Variants in PLA2G4E observed in about 807,000 individuals in gnomAD.
PLA2G4E encodes the protein cytosolic phospholipase A2 epsilon.
A neutral mutation model predicts 109.1 loss-of-function variants in PLA2G4E; 84 were observed. The observed-to-expected ratio is 0.77, with a 90% CI of 0.65 to 0.92. The LOEUF is 0.92. PLA2G4E is among the 40% of genes least tolerant of loss of function. The pLI is 0.00. For synonymous variants in PLA2G4E, 469 were observed against 436.1 expected (o/e 1.08, Z -0.94); for missense variants, 1,057 against 1,076.6 (o/e 0.98, Z 0.25).
chr15:41,984,619 G>A (rs1043466808), exon 19 of PLA2G4E: 14 of 1,600,134 alleles, frequency 8.7e-6, no homozygotes, highest in African/African-American at 1.3e-5. Context: ...TGTTTCAGGG[G>A]CTGGAACAGC....
intron 1 of PLA2G4E, among the ~76,000 whole-genome samples, chr15:42,016,352 T>C (rs7176458): frequency 0.058 from 8,793 of 151,562 alleles, 423 homozygotes; most frequent in African/African-American, 0.13. Flanking sequence ...CTTTTTTCTT[T>C]GGAGACGGAG....
intron 1 of PLA2G4E, among the ~76,000 whole-genome samples, chr15:42,030,095 GA>G (rs1281823317): frequency 1.3e-5 from 2 of 152,194 alleles, no homozygotes; most frequent in African/African-American, 4.8e-5. Context: ...GAGGAGGGGA[GA>G]GGACATTTTT....
chr15:42,006,815 G>T (rs916254465), intron 3 of PLA2G4E, among the ~76,000 whole-genome samples: 1 of 152,094 alleles, frequency 6.6e-6, no homozygotes, highest in African/African-American at 2.4e-5. Context: ...GACATAAGGT[G>T]GTTCTGGAGG....
chr15:42,041,679 G>A (rs1231264224), intron 1 of PLA2G4E, among the ~76,000 whole-genome samples: 1 of 152,216 alleles, frequency 6.6e-6, no homozygotes, highest in Admixed American at 6.5e-5. Flanking sequence ...CCTGTACTGA[G>A]TATTGGGGTT....
At chr15:42,008,628 C>G (rs2068501708) in intron 2 of PLA2G4E, among the ~76,000 whole-genome samples, 1 of 152,186 alleles carries the variant, frequency 6.6e-6, no homozygotes, top group African/African-American at 2.4e-5. Flanking sequence ...GACAGAAGGT[C>G]TCCTAAGTCT....
chr15:42,004,386 A>AAGGG (rs1468669531), intron 5 of PLA2G4E, among the ~76,000 whole-genome samples: 5 of 132,530 alleles, frequency 3.8e-5, no homozygotes, highest in Non-Finnish European at 8.2e-5. Flanking sequence ...AAAAGGGAGG[A>AAGGG]AGGGAGGGAG....
At chr15:42,007,589 G>T in intron 3 of PLA2G4E, 140 bp downstream of exon 3, 1 of 1,075,632 alleles carries the variant, frequency 9.3e-7, no homozygotes, top group Non-Finnish European at 1.3e-6. Context: ...GTGTGAGTGG[G>T]AAGACAGGTT....
chr15:41,993,231 T>C lies in PLA2G4E; in HGVS notation c.1248-272A>G, dbSNP rs867226784. On this transcript the variant is annotated intron_variant, in intron 12 of 19. Transcript: ENST00000399518. ...AAGATGAAGATTCTGGATCCAGAAC[T>C]TTCTGGATCAAGCCAGGCTCTGTCG... Among the ~76,000 whole-genome samples, 22 of 152,340 alleles carry C rather than the reference T, an allele frequency of 1.4e-4. No individual in the cohort carries two copies. In the South Asian group the frequency reaches 2.3e-3, roughly 16 times the overall value.
chr15:42,000,795 G>A lies in PLA2G4E; in HGVS notation c.673+362C>T, dbSNP rs183264982. 3.7e-4 allele frequency among the ~76,000 whole-genome samples: 56 copies of A among 152,282 alleles called. 2 individuals are homozygous for A. The highest frequency in any genetic ancestry group is 3.3e-3 in the Admixed American group (50 of 15,308). On this transcript the variant is annotated intron_variant, in intron 7 of 19. Transcript: ENST00000399518. ...TCTGTGAGCTGTGGTCTGCCTAGAG[G>A]AAGGGGCATAGTTAGAGGGGTCCTG...
chr15:42,013,881 G>GTTTT, intron 1 of PLA2G4E, 124 bp from the exon 2 acceptor site: 1 of 302,222 alleles, frequency 3.3e-6, no homozygotes, highest in South Asian at 5.2e-5. Context: ...CCCCTAGGCT[G>GTTTT]GTTTTTTTTT....
intron 12 of PLA2G4E, 22 bp downstream of exon 12, chr15:41,995,337 GA>G (rs779147486): frequency 3.7e-6 from 6 of 1,606,772 alleles, no homozygotes; most frequent in Non-Finnish European, 4.3e-6. Context: ...GGGCTCCACA[GA>G]CAGTGGCTCA....
In PLA2G4E at chr15:42,021,061, C is replaced by T. The variant is rs1052381945; in HGVS notation, c.184-7304G>A. Among the ~76,000 whole-genome samples, 1 of 152,002 alleles carries T rather than the reference C, an allele frequency of 6.6e-6. No individual in the cohort carries two copies. The highest frequency in any genetic ancestry group is 1.9e-4 in the East Asian group (1 of 5,190). Reference sequence around the variant, plus strand: ...CAGCTCTCCAGCTGGGTGGCAAGATCAGGAACTTATACTCTGACTCAGAGC... The same window carrying T: ...CAGCTCTCCAGCTGGGTGGCAAGATTAGGAACTTATACTCTGACTCAGAGC... On this transcript the variant is annotated intron_variant, in intron 1 of 19. Coordinates refer to ENST00000399518, the Ensembl canonical transcript of PLA2G4E.
At chr15:42,040,189 A>AAC (rs374302023) in intron 1 of PLA2G4E, among the ~76,000 whole-genome samples, 10 of 151,430 alleles carry the variant, frequency 6.6e-5, no homozygotes, top group Admixed American at 4.0e-4. Context: ...AAAACTTTAA[A>AAC]ACACACACAC....
intron 1 of PLA2G4E, among the ~76,000 whole-genome samples, chr15:42,050,225 G>GTCTGTGCT (rs1466742777): frequency 6.6e-6 from 1 of 152,204 alleles, no homozygotes; most frequent in East Asian, 1.9e-4. Flanking sequence ...TCCTTGACCT[G>GTCTGTGCT]TCTGTGCTTC....
chr15:42,009,371 GT>G (rs1489235346), intron 2 of PLA2G4E, among the ~76,000 whole-genome samples: 1 of 152,070 alleles, frequency 6.6e-6, no homozygotes, highest in African/African-American at 2.4e-5. Context: ...CACTGCCCTG[GT>G]GTAGACCACC....
At chr15:41,996,318 A>G (rs1165114380) in intron 11 of PLA2G4E, among the ~76,000 whole-genome samples, 7 of 131,742 alleles carry the variant, frequency 5.3e-5, no homozygotes, top group Non-Finnish European at 9.3e-5. Context: ...ACTGCACTCC[A>G]GCCTGGGTGA....
In PLA2G4E at chr15:41,988,174, C is replaced by T. The variant is rs754900592; in HGVS notation, c.1724-18G>A. ...CCACAGGCCTGGGAGCCAGGGCCAG[C>T]GTGAGCAGCTCCACCCTGCAGCCCC... On this transcript the variant is annotated intron_variant, in intron 15 of 19. Coordinates refer to ENST00000399518, the Ensembl canonical transcript of PLA2G4E. 32 of 1,554,110 alleles carry T rather than the reference C, an allele frequency of 2.1e-5. No individual in the cohort carries two copies. Among genetic ancestry groups the T allele is most frequent in the Admixed American group, 9.2e-5 (5 of 54,248 alleles).
intron 1 of PLA2G4E, among the ~76,000 whole-genome samples, chr15:42,024,363 A>G (rs528647593): frequency 1.1e-4 from 17 of 152,178 alleles, no homozygotes; most frequent in Non-Finnish European, 2.2e-4. Context: ...TCCACCCAGC[A>G]CTGATGACCA....
intron 2 of PLA2G4E, chr15:42,010,139 C>CCCCCCCCCCG: frequency 4.2e-6 from 2 of 476,068 alleles, no homozygotes; most frequent in Non-Finnish European, 8.4e-6. Context: ...CTGGCCCCCC[C>CCCCCCCCCCG]ACCCCGGGCC....
Sources: gnomAD v4.1 joint callset for allele counts (sites outside exome capture counted in the v4.1 genomes callset) on GRCh38, gnomAD v4.1.1 for gene constraint, MANE v1.5 for transcripts, NCBI Gene and HGNC (gene_info 2026-07-23, HGNC 2026-07-21) for gene names.